DLGAP2: variants seen among roughly 807,000 people sequenced by gnomAD.
The protein encoded by DLGAP2 is disks large-associated protein 2.
A neutral mutation model predicts 100.3 loss-of-function variants in DLGAP2; 26 were observed. The observed-to-expected ratio is 0.26, with a 90% CI of 0.19 to 0.36. The LOEUF is 0.36. DLGAP2 is among the 10% of genes least tolerant of loss of function. DLGAP2 has a pLI of 1.00. For synonymous variants in DLGAP2, 886 were observed against 630.1 expected, an observed-to-expected ratio of 1.41 and a Z score of -6.08; for missense variants, 1,858 against 1,453.2, an observed-to-expected ratio of 1.28 and a Z score of -4.53.
At chr8:1,576,397 A>T (rs1219499227) in intron 6 of DLGAP2, among the ~76,000 whole-genome samples, 1 of 151,928 alleles carries the variant, frequency 6.6e-6, no homozygotes. Flanking sequence ...GATTGCAAAA[A>T]TTTTCTCCCA....
intron 6 of DLGAP2, among the ~76,000 whole-genome samples, chr8:1,585,401 T>C (rs545891506): frequency 3.6e-4 from 55 of 152,018 alleles, no homozygotes; most frequent in South Asian, 1.5e-3. Context: ...GAGGCGGAGG[T>C]TGCAGTGAGC....
chr8:943,554 G>A (rs1563106210), intron 2 of DLGAP2, among the ~76,000 whole-genome samples: 1 of 151,576 alleles, frequency 6.6e-6, no homozygotes, highest in East Asian at 2.0e-4. Flanking sequence ...TGTGGACGTC[G>A]TGATGTGGCC....
In DLGAP2 at chr8:1,360,156, G is replaced by A. The variant is rs567762525; in HGVS notation, c.106+101273G>A. ...CCTTCTGGGTGTGACCTTGGTGCAG[G>A]TGCATAAGGGTTAGCGACTCCTGCT... On this transcript the variant is annotated intron_variant, in intron 3 of 14. Coordinates refer to ENST00000637795, the MANE Select transcript of DLGAP2 (RefSeq NM_001346810.2). 3.2e-4 allele frequency among the ~76,000 whole-genome samples: 48 copies of A among 151,616 alleles called. 1 individual carries two copies. The South Asian group carries it at 9.2e-3, about 29-fold the overall frequency.
At position 1,282,779 on chromosome 8, in the gene DLGAP2, A is replaced by G. The variant is rs1421961547; in HGVS notation, c.106+23896A>G. Among the ~76,000 whole-genome samples, 654 of 93,858 alleles carry G rather than the reference A, an allele frequency of 7.0e-3. 6 individuals are homozygous for G. The highest frequency in any genetic ancestry group is 0.033 in the South Asian group (71 of 2,144). 61.6% of individuals were successfully genotyped at this position (93,858 alleles called of 152,430 possible). ...ATCCAGCCCCCTGAACCATACGGAC[A>G]TGGTGTGACCTGAGCCCAGCACGTG... On this transcript the variant is annotated intron_variant, in intron 3 of 14. Coordinates refer to ENST00000637795, the MANE Select transcript of DLGAP2 (RefSeq NM_001346810.2).
chr8:1,521,153 G>T (rs539791077), intron 4 of DLGAP2, among the ~76,000 whole-genome samples: 20 of 144,048 alleles, frequency 1.4e-4, no homozygotes, highest in Non-Finnish European at 2.6e-4. Flanking sequence ...GAATACTTGG[G>T]CGGCAGGTGA....
chr8:1,669,793 C>A lies in DLGAP2; in HGVS notation c.2202+9C>A. ...CATACCCAAGGTCAGATGTAAGTAC[C>A]GAAATGTGCTCCAAAGCCGCGTCCG... On this transcript the variant is annotated intron_variant, in intron 10 of 14. Coordinates refer to ENST00000637795, the MANE Select transcript of DLGAP2 (RefSeq NM_001346810.2). 1.3e-6 allele frequency: 1 copy of A among 780,896 alleles called. No homozygotes were observed. Among genetic ancestry groups the A allele is most frequent in the Non-Finnish European group, 2.4e-6 (1 of 417,974 alleles). The allele number at this position is 780,896 out of a possible 1,614,324, so 48.4% of individuals were successfully genotyped here.
At chr8:1,566,909 C>T (rs1031178844) in intron 6 of DLGAP2, among the ~76,000 whole-genome samples, 11 of 152,234 alleles carry the variant, frequency 7.2e-5, no homozygotes, top group African/African-American at 2.7e-4. Flanking sequence ...AATTCAAGAG[C>T]TATGGTGTAG....
intron 3 of DLGAP2, among the ~76,000 whole-genome samples, chr8:1,267,483 C>T (rs923066644): frequency 3.4e-5 from 5 of 148,562 alleles, no homozygotes; most frequent in Non-Finnish European, 3.0e-5. Flanking sequence ...CGCTTGAACC[C>T]AGGAGGTGGA....
At chr8:998,687 C>CCTAGGTGA (rs1563135728) in intron 2 of DLGAP2, among the ~76,000 whole-genome samples, 1 of 152,124 alleles carries the variant, frequency 6.6e-6, no homozygotes, top group Non-Finnish European at 1.5e-5. Flanking sequence ...GTTTGCTTCA[C>CCTAGGTGA]GATTTCTTCC....
At chr8:1,669,894 C>A in intron 10 of DLGAP2, 110 bp downstream of exon 10, 1 of 743,766 alleles carries the variant, frequency 1.3e-6, no homozygotes, top group Non-Finnish European at 2.5e-6. Context: ...ATTCTATGTG[C>A]CAGGCACTAT....
At chr8:974,347 A>G (rs1320778703) in intron 2 of DLGAP2, among the ~76,000 whole-genome samples, 7 of 152,222 alleles carry the variant, frequency 4.6e-5, no homozygotes, top group African/African-American at 1.7e-4. Flanking sequence ...TGCAAGCAGG[A>G]AAAAAGTTGA....
intron 1 of DLGAP2, among the ~76,000 whole-genome samples, chr8:830,964 C>T (rs1311704532): frequency 1.3e-5 from 2 of 149,640 alleles, no homozygotes; most frequent in Admixed American, 6.7e-5. Context: ...GGCACAATCT[C>T]AGCTCACTGC....
chr8:749,681 C>T (rs1820743109), intron 1 of DLGAP2, among the ~76,000 whole-genome samples: 1 of 151,880 alleles, frequency 6.6e-6, no homozygotes, highest in Non-Finnish European at 1.5e-5. Context: ...TTTTTTTCTC[C>T]AGTCAATTCC....
At chr8:847,191 T>G (rs1797086663) in intron 1 of DLGAP2, among the ~76,000 whole-genome samples, 2 of 152,344 alleles carry the variant, frequency 1.3e-5, no homozygotes, top group Middle Eastern at 3.4e-3. Flanking sequence ...TTCTGCTGCT[T>G]CTTGACACAA....
intron 2 of DLGAP2, among the ~76,000 whole-genome samples, chr8:920,644 A>C (rs544721490): frequency 1.3e-5 from 2 of 152,208 alleles, no homozygotes; most frequent in African/African-American, 4.8e-5. Context: ...CTAGCTACTC[A>C]GGAGGCTGAG....
rs550495619 is a variant in DLGAP2 at position 1,563,158 on chromosome 8, G to A, written c.1231-2525G>A. Among the ~76,000 whole-genome samples, 128 of 53,190 alleles carry A rather than the reference G, an allele frequency of 2.4e-3. 1 individual carries two copies. The highest frequency in any genetic ancestry group is 0.01 in the African/African-American group (120 of 11,694). 34.9% of individuals were successfully genotyped at this position (53,190 alleles called of 152,430 possible). On this transcript the variant is annotated intron_variant, in intron 5 of 14. Coordinates refer to ENST00000637795, the MANE Select transcript of DLGAP2 (RefSeq NM_001346810.2). ...GGGACTGTGTGGTGTTGGGGTGTCC[G>A]CGCCTCGTTACTGGGGGGCTGTGTG... is the stretch of plus-strand genomic sequence containing the variant.
intron 3 of DLGAP2, among the ~76,000 whole-genome samples, chr8:1,287,157 T>TGTGTGTGTGTGTGCGC (rs1315463950): frequency 4.0e-5 from 4 of 99,512 alleles, no homozygotes; most frequent in African/African-American, 1.3e-4. Flanking sequence ...TGTGTGTGTG[T>TGTGTGTGTGTGTGCGC]GCGCGCGCGC....
At chr8:830,373 A>C (rs1022462438) in intron 1 of DLGAP2, among the ~76,000 whole-genome samples, 4 of 152,166 alleles carry the variant, frequency 2.6e-5, no homozygotes, top group African/African-American at 9.7e-5. Flanking sequence ...CACTCCTGTT[A>C]TGCTGTCAAA....
chr8:1,327,920 C>T (rs543983065), intron 3 of DLGAP2, among the ~76,000 whole-genome samples: 2 of 152,312 alleles, frequency 1.3e-5, no homozygotes, highest in South Asian at 4.1e-4. Flanking sequence ...GATGGATCTT[C>T]CTCAGACTGT....
Sources: allele counts gnomAD v4.1 joint callset (sites outside exome capture counted in the v4.1 genomes callset), GRCh38; gene constraint gnomAD v4.1.1; transcripts MANE v1.5; gene names NCBI Gene and HGNC (gene_info 2026-07-23, HGNC 2026-07-21).